The following ZFP69 variants were observed in gnomAD, a reference collection of about 807,000 sequenced individuals.
The protein encoded by ZFP69 is ZFP69 zinc finger protein.
ZFP69 carries 35 observed loss-of-function variants against 48.9 expected under a neutral mutation model. The ratio of observed to expected loss-of-function variants is 0.72; its 90% confidence interval spans 0.55 to 0.95. The LOEUF is 0.95. Ranked by LOEUF, ZFP69 falls within the 40% of genes least tolerant of loss-of-function variation. The pLI is 0.00. For synonymous variants in ZFP69, 193 were observed against 216.8 expected (o/e 0.89, Z 0.96); for missense variants, 557 against 638.4 (o/e 0.87, Z 1.37).
At chr1:40,487,064 A>G (rs1371594871) in intron 3 of ZFP69, among the ~76,000 whole-genome samples, 1 of 151,948 alleles carries the variant, frequency 6.6e-6, no homozygotes, top group African/African-American at 2.4e-5. Context: ...AGCTGGGACT[A>G]CAGGCATGCA....
chr1:40,494,869 T>C, intron 5 of ZFP69, 52 bp from the exon 6 acceptor site: 1 of 1,500,808 alleles, frequency 6.7e-7, no homozygotes, highest in African/African-American at 1.4e-5. Context: ...AAATCTCTGT[T>C]CCATAACCAC....
intron 5 of ZFP69, among the ~76,000 whole-genome samples, chr1:40,490,016 T>C (rs541705094): frequency 7.2e-5 from 11 of 151,950 alleles, no homozygotes; most frequent in African/African-American, 2.4e-4. Flanking sequence ...ACTACAGTTA[T>C]GCGCCACCAC....
At chr1:40,488,960 A>G (rs1645534098) in intron 3 of ZFP69, 128 bp from the exon 4 acceptor site, 2 of 1,153,020 alleles carry the variant, frequency 1.7e-6, no homozygotes, top group Admixed American at 4.0e-5. Context: ...AGGATCTCCA[A>G]ACAGATCCAG....
chr1:40,494,300 G>A (rs1645601152), intron 5 of ZFP69, among the ~76,000 whole-genome samples: 1 of 107,200 alleles, frequency 9.3e-6, no homozygotes, highest in Non-Finnish European at 1.7e-5. Flanking sequence ...ACGGAGTCTC[G>A]CTCTGTCGCC....
intron 2 of ZFP69, among the ~76,000 whole-genome samples, 185 bp downstream of exon 2, chr1:40,479,673 C>T (rs921654004): frequency 6.6e-6 from 1 of 152,176 alleles, no homozygotes. Flanking sequence ...CCTTGTGACA[C>T]GTGCTTGCAG....
chr1:40,478,498 T>C (rs569545444), intron 1 of ZFP69, among the ~76,000 whole-genome samples: 1 of 152,330 alleles, frequency 6.6e-6, no homozygotes, highest in South Asian at 2.1e-4. Context: ...TGGCTGTCAC[T>C]GCTTGTTCAT....
At chr1:40,481,691 G>C in intron 2 of ZFP69, 72 bp from the exon 3 acceptor site, 1 of 1,216,280 alleles carries the variant, frequency 8.2e-7, no homozygotes. Context: ...CACATTGAGT[G>C]GGTCTGCAGG....
At position 40,496,149 on chromosome 1, in the gene ZFP69, A is replaced by G; in HGVS notation, c.*90A>G. 1.2e-5 allele frequency: 16 copies of G among 1,332,114 alleles called. No homozygotes were observed. The highest frequency in any genetic ancestry group is 1.6e-5 in the Non-Finnish European group (16 of 983,272). 82.5% of individuals were successfully genotyped at this position (1,332,114 alleles called of 1,614,324 possible). ...TTCAGGACTCAGATATGAGGAATTG[A>G]TGTAATGATGCCAACTTTTAATTTT... On this transcript the variant is annotated 3_prime_UTR_variant, in exon 6 of 6. Coordinates refer to ENST00000372706, the MANE Select transcript of ZFP69 (RefSeq NM_001320179.2).
At chr1:40,480,352 G>A (rs940396997) in intron 2 of ZFP69, among the ~76,000 whole-genome samples, 3 of 148,752 alleles carry the variant, frequency 2.0e-5, no homozygotes, top group Admixed American at 2.0e-4. Flanking sequence ...TGCAACTCCT[G>A]CCTCCCAGGT....
chr1:40,478,819 G>GC (rs1159083178), intron 1 of ZFP69, among the ~76,000 whole-genome samples: 4 of 152,078 alleles, frequency 2.6e-5, no homozygotes, highest in African/African-American at 7.2e-5. Flanking sequence ...TTCAAAGCCT[G>GC]CCCTCTTAAA....
chr1:40,486,828 A>C (rs1301207915), intron 3 of ZFP69, among the ~76,000 whole-genome samples: 2 of 151,754 alleles, frequency 1.3e-5, no homozygotes, highest in East Asian at 1.9e-4. Flanking sequence ...CTTAAGTTTC[A>C]CTGATCTTAT....
rs1298235352 is a variant in ZFP69, at chr1:40,489,324, A to G, written c.346+110A>G. 14 of 1,431,246 alleles carry G rather than the reference A, an allele frequency of 9.8e-6. No homozygotes were observed. In the Admixed American group the frequency reaches 2.9e-4, roughly 30 times the overall value. 88.7% of individuals were successfully genotyped at this position (1,431,246 alleles called of 1,614,324 possible). A position where few individuals can be genotyped will look rare whatever the true frequency, so the allele number is the denominator to read the frequency against. The stretch of plus-strand genomic sequence containing the variant: ...AGGCTTGATTTGGGTTCTGTATTAA[A>G]GATGTCTTATTCCCTTTGAAAACCA... On this transcript the variant is annotated intron_variant, in intron 4 of 5. Coordinates refer to ENST00000372706, the MANE Select transcript of ZFP69 (RefSeq NM_001320179.2).
chr1:40,489,369 T>G (rs1022324826), intron 4 of ZFP69, among the ~76,000 whole-genome samples, 155 bp downstream of exon 4: 7 of 152,254 alleles, frequency 4.6e-5, no homozygotes, highest in African/African-American at 1.7e-4. Flanking sequence ...ATATCCAATT[T>G]GACTTTCTTG....
chr1:40,489,404 T>G (rs1265652564), intron 4 of ZFP69, 125 bp from the exon 5 acceptor site: 4 of 1,120,928 alleles, frequency 3.6e-6, no homozygotes, highest in Non-Finnish European at 5.1e-6. Context: ...TACACATAGT[T>G]AGGATAGAAA....
At chr1:40,489,956 G>A (rs1349138613) in intron 5 of ZFP69, among the ~76,000 whole-genome samples, 2 of 143,264 alleles carry the variant, frequency 1.4e-5, no homozygotes, top group African/African-American at 5.2e-5. Context: ...TGCAACCTCC[G>A]CCTCTGGAGT....
chr1:40,492,063 A>G (rs928627512), intron 5 of ZFP69, among the ~76,000 whole-genome samples: 3 of 151,966 alleles, frequency 2.0e-5, no homozygotes, highest in Non-Finnish European at 4.4e-5. Flanking sequence ...GGGTCTTGCT[A>G]TGTTGCCCAA....
intron 2 of ZFP69, among the ~76,000 whole-genome samples, chr1:40,481,288 G>A (rs1055118138): frequency 3.3e-5 from 5 of 152,096 alleles, no homozygotes; most frequent in African/African-American, 1.2e-4. Flanking sequence ...TGTGGTGGGT[G>A]GGTGGGTGTG....
rs1361881483 is a variant in ZFP69 at position 40,496,192 on chromosome 1, A to G, written c.*133A>G. Reference sequence around the variant, plus strand: ...TTAATTTTTCCCATTGTAAATAAACATTACATTGACAGGTATTGACTACTA... The same window carrying G: ...TTAATTTTTCCCATTGTAAATAAACGTTACATTGACAGGTATTGACTACTA... On this transcript the variant is annotated 3_prime_UTR_variant, in exon 6 of 6. Transcript: ENST00000372706. 1.1e-6 allele frequency: 1 copy of G among 928,516 alleles called. No individual in the cohort carries two copies. The highest frequency in any genetic ancestry group is 1.6e-6 in the Non-Finnish European group (1 of 638,616). The allele number at this position is 928,516 out of a possible 1,614,324, so 57.5% of individuals were successfully genotyped here. A position where few individuals can be genotyped will look rare whatever the true frequency, so the allele number is the denominator to read the frequency against.
chr1:40,496,178 C>A lies in ZFP69; in HGVS notation c.*119C>A. ...AATGATGCCAACTTTTAATTTTTCCCATTGTAAATAAACATTACATTGACA... is the reference window on the plus strand; with the variant it reads ...AATGATGCCAACTTTTAATTTTTCCAATTGTAAATAAACATTACATTGACA... On this transcript the variant is annotated 3_prime_UTR_variant, in exon 6 of 6. Transcript: ENST00000372706. 2 of 1,082,870 alleles carry A rather than the reference C, an allele frequency of 1.8e-6. No homozygotes were observed. The highest frequency in any genetic ancestry group is 2.4e-5 in the East Asian group (1 of 40,914). The allele number at this position is 1,082,870 out of a possible 1,614,324, so 67.1% of individuals were successfully genotyped here.
Sources: allele counts gnomAD v4.1 joint callset (sites outside exome capture counted in the v4.1 genomes callset), GRCh38; gene constraint gnomAD v4.1.1; transcripts MANE v1.5; gene names NCBI Gene and HGNC (gene_info 2026-07-23, HGNC 2026-07-21).